TRAK1: variants seen among roughly 807,000 people sequenced by gnomAD.
The protein encoded by TRAK1 is trafficking kinesin-binding protein 1.
In TRAK1, 33 loss-of-function variants were observed where a neutral mutation model predicts 92.1. The observed-to-expected ratio is 0.36, with a 90% CI of 0.27 to 0.48. The LOEUF (loss-of-function observed/expected upper bound fraction) is 0.48. Ranked by LOEUF, TRAK1 falls within the 20% of genes least tolerant of loss-of-function variation. The pLI, the probability that TRAK1 is intolerant of heterozygous loss-of-function variation, is 0.99. For missense variants in TRAK1, 1,123 were observed against 1,257.9 expected (o/e 0.89, Z 1.62); for synonymous variants, 521 against 517.3 (o/e 1.01, Z -0.10).
At chr3:42,106,154 A>C (rs910484095) in intron 1 of TRAK1, among the ~76,000 whole-genome samples, 2 of 152,244 alleles carry the variant, frequency 1.3e-5, no homozygotes, top group African/African-American at 4.8e-5. Flanking sequence ...GACAGGATCA[A>C]ATTCACACAT....
intron 1 of TRAK1, among the ~76,000 whole-genome samples, chr3:42,101,578 A>G (rs1415046210): frequency 2.0e-5 from 3 of 152,254 alleles, no homozygotes; most frequent in African/African-American, 7.2e-5. Flanking sequence ...GTAAAGGGCC[A>G]GAGAGTAAAT....
chr3:42,053,110 A>T (rs1703046222), intron 1 of TRAK1, among the ~76,000 whole-genome samples: 1 of 152,078 alleles, frequency 6.6e-6, no homozygotes, highest in African/African-American at 2.4e-5. Flanking sequence ...CTTCTGAACA[A>T]TGGCTGTTTT....
rs1386307161 is a variant in TRAK1, at chr3:42,209,920, C to T, written c.1898C>T (p.Thr633Ile). The change falls in exon 14 of 16, where the codon ACA (threonine) becomes ATA (isoleucine). Residue 633 changes from threonine (T) to isoleucine (I), a missense_variant. By Grantham distance (89) the Thr-to-Ile change is moderately conservative (BLOSUM62 -1). Coordinates refer to ENST00000327628, the MANE Select transcript of TRAK1 (RefSeq NM_001042646.3). ...CTTAACGACTTTGAAGAAGATGACA[C>T]AGGTGACCACATTTCTCTCCCACGC... Reference protein sequence around the residue: ...YCLNDFEEDDTGDHISLPRLA... With the variant: ...YCLNDFEEDDIGDHISLPRLA... 1 of 1,614,206 alleles carries T rather than the reference C, an allele frequency of 6.2e-7. No homozygotes were observed. Among genetic ancestry groups the T allele is most frequent in the South Asian group, 1.1e-5 (1 of 91,084 alleles).
At chr3:42,170,092 C>T (rs1379719968) in intron 2 of TRAK1, among the ~76,000 whole-genome samples, 15 of 146,458 alleles carry the variant, frequency 1.0e-4, no homozygotes, top group Admixed American at 8.8e-4. Context: ...GGGGACGAGG[C>T]GGGAGGGTTG....
chr3:42,179,597 T>A (rs1055253504), intron 3 of TRAK1, among the ~76,000 whole-genome samples: 1 of 152,206 alleles, frequency 6.6e-6, no homozygotes, highest in African/African-American at 2.4e-5. Flanking sequence ...ATGAGTCAGT[T>A]GCTAAGTGTA....
intron 1 of TRAK1, among the ~76,000 whole-genome samples, chr3:42,056,853 A>G (rs1703224389): frequency 2.0e-5 from 3 of 152,190 alleles, no homozygotes; most frequent in Non-Finnish European, 4.4e-5. Flanking sequence ...CATCCTTCTT[A>G]ATACCTTTTA....
intron 2 of TRAK1, among the ~76,000 whole-genome samples, chr3:42,126,482 G>C (rs1710574213): frequency 6.6e-6 from 1 of 152,010 alleles, no homozygotes; most frequent in Non-Finnish European, 1.5e-5. Context: ...GATGGCCAGG[G>C]TGTGAAACTT....
intron 1 of TRAK1, among the ~76,000 whole-genome samples, chr3:42,104,571 C>T (rs1707257842): frequency 6.6e-6 from 1 of 152,170 alleles, no homozygotes; most frequent in Non-Finnish European, 1.5e-5. Context: ...GCTGGTGATA[C>T]CCGGGCAAAC....
intron 1 of TRAK1, among the ~76,000 whole-genome samples, chr3:42,072,953 C>T (rs1235273024): frequency 6.6e-6 from 1 of 152,100 alleles, no homozygotes; most frequent in Non-Finnish European, 1.5e-5. Flanking sequence ...AAAGGTTTAG[C>T]CTTAAAAGTG....
At chr3:42,028,730 C>T (rs1487712825) in intron 1 of TRAK1, among the ~76,000 whole-genome samples, 6 of 152,060 alleles carry the variant, frequency 3.9e-5, no homozygotes, top group Admixed American at 3.3e-4. Context: ...AGTCAGGGGA[C>T]GGCTGCATCC....
intron 14 of TRAK1, among the ~76,000 whole-genome samples, chr3:42,214,503 A>T (rs1013686184): frequency 2.6e-5 from 4 of 152,230 alleles, no homozygotes; most frequent in Non-Finnish European, 4.4e-5. Context: ...AGCATTCTAA[A>T]AATCCCCCTC....
upstream of TRAK1, among the ~76,000 whole-genome samples, chr3:42,086,821 C>T (rs1040972764): frequency 2.6e-5 from 4 of 152,148 alleles, no homozygotes; most frequent in Admixed American, 6.5e-5. Flanking sequence ...TTTAGCTGTG[C>T]TCCAGTGTGT....
chr3:42,176,967 A>G (rs1002551834), intron 3 of TRAK1, 77 bp downstream of exon 3: 31 of 1,327,400 alleles, frequency 2.3e-5, no homozygotes, highest in Non-Finnish European at 3.1e-5. Context: ...AGCATGCCTT[A>G]TCACCTGTTT....
intron 1 of TRAK1, among the ~76,000 whole-genome samples, chr3:42,040,235 A>G (rs1702482047): frequency 6.6e-6 from 1 of 152,124 alleles, no homozygotes; most frequent in Non-Finnish European, 1.5e-5. Flanking sequence ...TTTTGGTGTC[A>G]TATCTAAGAA....
chr3:42,222,859 C>T (rs542178023), intron 15 of TRAK1, 83 bp from the exon 16 acceptor site: 320 of 1,486,466 alleles, frequency 2.2e-4, no homozygotes, highest in Non-Finnish European at 2.9e-4. Flanking sequence ...CGTCCCTACC[C>T]CCCCTGCAGG....
chr3:42,060,830 C>T (rs1271039529), intron 1 of TRAK1, among the ~76,000 whole-genome samples: 1 of 152,006 alleles, frequency 6.6e-6, no homozygotes, highest in Non-Finnish European at 1.5e-5. Flanking sequence ...GGAGTTTCGC[C>T]ATGTTGGCCA....
At chr3:42,082,465 G>A (rs1343984713), upstream of TRAK1, among the ~76,000 whole-genome samples, 2 of 152,098 alleles carry the variant, frequency 1.3e-5, no homozygotes, top group South Asian at 4.1e-4. Context: ...TAGCGTAGTG[G>A]TGCGTGCCTG....
At chr3:42,028,978 C>CA (rs1702016033) in intron 1 of TRAK1, among the ~76,000 whole-genome samples, 1 of 152,098 alleles carries the variant, frequency 6.6e-6, no homozygotes, top group Admixed American at 6.5e-5. Flanking sequence ...ACAGCCTGCA[C>CA]AGGAAGCATG....
rs181134972 is a variant in TRAK1 at position 42,129,907 on chromosome 3, G to A, written c.286+4293G>A. ...TGTTTAAGAATGAAATTCATCTGGT[G>A]AAATACAAAAAAAGCAAAAACCCCA... is the stretch of plus-strand genomic sequence containing the variant. On this transcript the variant is annotated intron_variant, in intron 2 of 15. Transcript: ENST00000327628. 3.0e-3 allele frequency among the ~76,000 whole-genome samples: 459 copies of A among 152,056 alleles called. 4 individuals carry two copies. Among genetic ancestry groups the A allele is most frequent in the Non-Finnish European group, 3.5e-3 (237 of 67,980 alleles).
Sources: gnomAD v4.1 joint callset for allele counts (sites outside exome capture counted in the v4.1 genomes callset) on GRCh38, gnomAD v4.1.1 for gene constraint, MANE v1.5 for transcripts, NCBI Gene and HGNC (gene_info 2026-07-23, HGNC 2026-07-21) for gene names.